COL7A1: variants seen among roughly 807,000 people sequenced by gnomAD.
COL7A1 encodes the protein collagen type VII alpha 1 chain, also known as collagen alpha-1(VII) chain.
A neutral mutation model predicts 456.2 loss-of-function variants in COL7A1; 296 were observed. The observed-to-expected ratio is 0.65, with a 90% CI of 0.59 to 0.71. COL7A1 has a LOEUF of 0.71. COL7A1 is among the 30% of genes least tolerant of loss of function. COL7A1 has a pLI of 0.00. For missense variants in COL7A1, 3,441 were observed against 4,017.2 expected, an observed-to-expected ratio of 0.86 and a Z score of 3.88; for synonymous variants, 1,464 against 1,525.9, an observed-to-expected ratio of 0.96 and a Z score of 0.95.
At position 48,576,290 on chromosome 3, in the gene COL7A1, G is replaced by T. The variant is rs2044292578; in HGVS notation, c.5779C>A (p.Pro1927Thr). The T allele has an allele frequency of 6.2e-6, 10 of 1,613,664 alleles. No homozygotes were observed. Among genetic ancestry groups the T allele is most frequent in the Non-Finnish European group, 8.5e-6 (10 of 1,179,994 alleles). Residue 1927 changes from proline to threonine, a missense_variant, in exon 71 of 119, where the codon CCT becomes ACT. By Grantham distance (38) the Pro-to-Thr change is conservative (BLOSUM62 -1). Coordinates refer to ENST00000681320, the MANE Select transcript of COL7A1 (RefSeq NM_000094.4). ...ETGSKGEQGL[P>T]GERGLRGEPG... is the part of the protein sequence containing the mutation. ...TCTCCTCGCAGGCCACGCTCTCCAG[G>T]GAGGCCCTGGAGAGATGAAGACAAA... is the stretch of plus-strand genomic sequence containing the variant.
At position 48,574,758 on chromosome 3, in the gene COL7A1, A is replaced by G. The variant is rs752751473; in HGVS notation, c.6349-37T>C. 6.2e-7 allele frequency: 1 copy of G among 1,613,986 alleles called. No homozygotes were observed. Among genetic ancestry groups the G allele is most frequent in the East Asian group, 2.2e-5 (1 of 44,888 alleles). On this transcript the variant is annotated intron_variant, in intron 77 of 118. Coordinates refer to ENST00000681320, the MANE Select transcript of COL7A1 (RefSeq NM_000094.4). This position sits in a 1 kb window ranked among gnomAD's most constrained non-coding sequence, Gnocchi z 5.0. ...AGATGTCAAGTCAGTCCCTAGTGCC[A>G]TGGCAGAGGGTGGCCCCGAGCTGAT...
At position 48,583,701 on chromosome 3, in the gene COL7A1, C is replaced by T; in HGVS notation, c.4341+17G>A. 4 of 1,614,068 alleles carry T rather than the reference C, an allele frequency of 2.5e-6. No individual in the cohort carries two copies. The highest frequency in any genetic ancestry group is 3.4e-6 in the Non-Finnish European group (4 of 1,179,998). On this transcript the variant is annotated intron_variant, in intron 40 of 118. Coordinates refer to ENST00000681320, the MANE Select transcript of COL7A1 (RefSeq NM_000094.4). This position sits in a 1 kb window ranked among gnomAD's most constrained non-coding sequence, Gnocchi z 5.1. ...TCCCACCCCAGAACTGGGACATCATCAAGTCAGCCTTCCTACTTTTTCTCC... is the reference window on the plus strand; with the variant it reads ...TCCCACCCCAGAACTGGGACATCATTAAGTCAGCCTTCCTACTTTTTCTCC...
At position 48,586,708 on chromosome 3, in the gene COL7A1, CAG is replaced by C; in HGVS notation, c.3277-21_3277-20del. 1 of 1,565,738 alleles carries C rather than the reference CAG, an allele frequency of 6.4e-7. No individual in the cohort carries two copies. Among genetic ancestry groups the C allele is most frequent in the Non-Finnish European group, 8.7e-7 (1 of 1,154,584 alleles). On this transcript the variant is annotated intron_variant, in intron 25 of 118. Coordinates refer to ENST00000681320, the MANE Select transcript of COL7A1 (RefSeq NM_000094.4). The surrounding 1 kb of genome is among the most constrained non-coding windows in gnomAD (Gnocchi z 5.1). ...GGCCAACCTGGGGTGGAAGGAAACA[CAG>C]AGCCTGAGGAGGATGACAGAGCAGG... is the stretch of plus-strand genomic sequence containing the variant.
At position 48,585,898 on chromosome 3, in the gene COL7A1, C is replaced by T. The variant is rs774880724; in HGVS notation, c.3759+42G>A. ...CAGATGTGGGTCAGAGTGGCTAGCCCCAGGTGCAGCCTCTGTTCACCTCTC... is the reference window on the plus strand; with the variant it reads ...CAGATGTGGGTCAGAGTGGCTAGCCTCAGGTGCAGCCTCTGTTCACCTCTC... On this transcript the variant is annotated intron_variant, in intron 29 of 118. Transcript: ENST00000681320. The surrounding 1 kb of genome is among the most constrained non-coding windows in gnomAD (Gnocchi z 4.5). 5 of 1,613,986 alleles carry T rather than the reference C, an allele frequency of 3.1e-6. No individual in the cohort carries two copies. In the African/African-American group the frequency reaches 5.3e-5, roughly 17 times the overall value.
rs753173025 is a variant in COL7A1, at chr3:48,591,737, G to A, written c.1443C>T (p.Arg481=). The change falls in exon 12 of 119, where the codon CGC becomes CGT. Residue 481 remains arginine, a synonymous_variant. Coordinates refer to ENST00000681320, the MANE Select transcript of COL7A1 (RefSeq NM_000094.4). The surrounding 1 kb of genome is among the most constrained non-coding windows in gnomAD (Gnocchi z 7.0). The part of the protein sequence containing the change: ...LDGLQPGTEY[R]LTLYTLLEGH... ...CCTCCAGCAGAGTGTAGAGTGTGAG[G>A]CGGTACTCAGTGCCCGGCTGCAGCC... is the stretch of plus-strand genomic sequence containing the variant. The A allele has an allele frequency of 6.2e-7, 1 of 1,614,166 alleles. No individual in the cohort carries two copies. The highest frequency in any genetic ancestry group is 2.2e-5 in the East Asian group (1 of 44,894).
chr3:48,574,918 G>A lies in COL7A1; in HGVS notation c.6280-53C>T. ...ATGTCTCTGTCATAGAGGCATGGGG[G>A]AGTCATCACAGATCTCAGGATCACA... On this transcript the variant is annotated intron_variant, in intron 76 of 118. Coordinates refer to ENST00000681320, the MANE Select transcript of COL7A1 (RefSeq NM_000094.4). This position sits in a 1 kb window ranked among gnomAD's most constrained non-coding sequence, Gnocchi z 5.0. 5 of 1,603,766 alleles carry A rather than the reference G, an allele frequency of 3.1e-6. No individual in the cohort carries two copies. The highest frequency in any genetic ancestry group is 4.3e-6 in the Non-Finnish European group (5 of 1,171,738).
At position 48,570,303 on chromosome 3, in the gene COL7A1, C is replaced by T. The variant is rs369221071; in HGVS notation, c.7412G>A (p.Arg2471Gln). 6.2e-6 allele frequency: 10 copies of T among 1,613,990 alleles called. No individual in the cohort carries two copies. The highest frequency in any genetic ancestry group is 1.6e-4 in the Middle Eastern group (1 of 6,084). ...GATGCCTGGCTCCCCACGCTCGCCT[C>T]GGGGCCCAGGCAGCCCTACTCCAGG... ...GDPGVGLPGP[R>Q]GERGEPGIRG... Residue 2471 changes from arginine to glutamine, a missense_variant, in exon 98 of 119, where the codon CGA becomes CAA. By Grantham distance (43) the Arg-to-Gln change is conservative. Transcript: ENST00000681320. This position sits in a 1 kb window ranked among gnomAD's most constrained non-coding sequence, Gnocchi z 5.5.
rs1440890050 is a variant in COL7A1 at position 48,567,505 on chromosome 3, T to G, written c.8046+69A>C. ...AGCCTTCCTTGTCCCTACACCCCCA[T>G]GACCCGACCATGAGCTTCCCTGCCC... On this transcript the variant is annotated intron_variant, in intron 109 of 118. Transcript: ENST00000681320. This position sits in a 1 kb window ranked among gnomAD's most constrained non-coding sequence, Gnocchi z 4.3. 1 of 1,602,872 alleles carries G rather than the reference T, an allele frequency of 6.2e-7. No homozygotes were observed. Among genetic ancestry groups the G allele is most frequent in the East Asian group, 2.2e-5 (1 of 44,822 alleles).
Position 48,582,147 on chromosome 3 carries a change from G to C in COL7A1, c.4635+176C>G, listed in dbSNP as rs569306379. 2.0e-5 allele frequency among the ~76,000 whole-genome samples: 3 copies of C among 152,290 alleles called. No individual in the cohort carries two copies. In the East Asian group the frequency reaches 5.8e-4, roughly 29 times the overall value. ...CTCATGACCTGCATGGCGGTCTTGG[G>C]GTCACAGGATCATAGCCAAGAGTCT... On this transcript the variant is annotated intron_variant, in intron 47 of 118. Coordinates refer to ENST00000681320, the MANE Select transcript of COL7A1 (RefSeq NM_000094.4).
chr3:48,565,932 C>A lies in COL7A1; in HGVS notation c.8408-264G>T, dbSNP rs1229291995. 6.6e-6 allele frequency among the ~76,000 whole-genome samples: 1 copy of A among 152,164 alleles called. No individual in the cohort carries two copies. Among genetic ancestry groups the A allele is most frequent in the Non-Finnish European group, 1.5e-5 (1 of 68,024 alleles). On this transcript the variant is annotated intron_variant, in intron 114 of 118. Coordinates refer to ENST00000681320, the MANE Select transcript of COL7A1 (RefSeq NM_000094.4). The surrounding 1 kb of genome is among the most constrained non-coding windows in gnomAD (Gnocchi z 4.5). ...CAGACACAGAAACAGGCAGGTGGTG[C>A]AGACAGAGACGGGAAGAGACAGCTT...
chr3:48,568,592 TC>T lies in COL7A1; in HGVS notation c.7759-59del. ...TGGGACTGTCCCCAACACTGGCCCA[TC>T]CGCTGCATGTGTGGCCACTCAGATG... On this transcript the variant is annotated intron_variant, in intron 104 of 118. Coordinates refer to ENST00000681320, the MANE Select transcript of COL7A1 (RefSeq NM_000094.4). This position sits in a 1 kb window ranked among gnomAD's most constrained non-coding sequence, Gnocchi z 5.2. 5 of 1,567,094 alleles carry T rather than the reference TC, an allele frequency of 3.2e-6. No individual in the cohort carries two copies. In the Middle Eastern group the frequency reaches 5.1e-4, roughly 158 times the overall value.
rs765529435 is a variant in COL7A1 at position 48,570,145 on chromosome 3, G to T, written c.7474C>A (p.Arg2492=). 6.2e-6 allele frequency: 10 copies of T among 1,614,052 alleles called. No individual in the cohort carries two copies. The highest frequency in any genetic ancestry group is 1.6e-4 in the Middle Eastern group (1 of 6,084). ...EDGRPGQEGP[R]GLTGPPGSRG... The stretch of plus-strand genomic sequence containing the variant: ...CCAGCGGGACCCACCGTGAGTCCTC[G>T]GGGTCCCTCCTGGCCGGGGCGGCCA... Residue 2492 remains arginine (R), a synonymous_variant, in exon 99 of 119, where the codon CGA becomes AGA. Transcript: ENST00000681320. The surrounding 1 kb of genome is among the most constrained non-coding windows in gnomAD (Gnocchi z 5.5).
rs750612292 is a variant in COL7A1 at position 48,587,795 on chromosome 3, G to A, written c.2855C>T (p.Thr952Ile). 1 of 1,613,408 alleles carries A rather than the reference G, an allele frequency of 6.2e-7. No homozygotes were observed. Among genetic ancestry groups the A allele is most frequent in the South Asian group, 1.1e-5 (1 of 91,090 alleles). ...EGPSAEVTAR[T>I]ESPRVPSIEL... is the part of the protein sequence containing the mutation. The stretch of plus-strand genomic sequence containing the variant: ...ACGCCAAGGTGAGGCAGGCTTACCA[G>A]TGCGCGCAGTCACCTCTGCAGAGGG... The change falls in exon 22 of 119, where the codon ACT becomes ATT. Residue 952 changes from threonine to isoleucine, a missense_variant and splice_region_variant. By Grantham distance (89) the Thr-to-Ile change is moderately conservative (BLOSUM62 -1). Coordinates refer to ENST00000681320, the MANE Select transcript of COL7A1 (RefSeq NM_000094.4). The surrounding 1 kb of genome is among the most constrained non-coding windows in gnomAD (Gnocchi z 6.1).
chr3:48,584,283 T>C lies in COL7A1; in HGVS notation c.4197+15A>G, dbSNP rs373470935. The C allele has an allele frequency of 1.3e-6, 2 of 1,599,166 alleles. No homozygotes were observed. The highest frequency in any genetic ancestry group is 4.6e-5 in the East Asian group (2 of 43,888). On this transcript the variant is annotated intron_variant, in intron 37 of 118. Transcript: ENST00000681320. ...ACCAGGTCTCTGCATCACATGGCAC[T>C]CATGAGGCTGTCACCTTCATGGCTG...
In COL7A1 at chr3:48,587,968, G is replaced by A. The variant is rs1431239265; in HGVS notation, c.2711-29C>T. The A allele has an allele frequency of 6.4e-7, 1 of 1,561,894 alleles. No homozygotes were observed. Among genetic ancestry groups the A allele is most frequent in the Non-Finnish European group, 8.7e-7 (1 of 1,152,984 alleles). ...GGGCAGGCGTGAGGGTGGGGGCCAA[G>A]AGCATGTGGGATAGTGACACCTGGG... On this transcript the variant is annotated intron_variant, in intron 21 of 118. Transcript: ENST00000681320. This position sits in a 1 kb window ranked among gnomAD's most constrained non-coding sequence, Gnocchi z 6.1.
At position 48,581,262 on chromosome 3, in the gene COL7A1, C is replaced by T; in HGVS notation, c.4897G>A (p.Asp1633Asn). The T allele has an allele frequency of 6.2e-7, 1 of 1,613,438 alleles. No individual in the cohort carries two copies. The highest frequency in any genetic ancestry group is 8.5e-7 in the Non-Finnish European group (1 of 1,179,812). The change falls in exon 52 of 119, where the codon GAT becomes AAT. Residue 1633 changes from aspartate (D) to asparagine (N), a missense_variant and splice_region_variant. Asp to Asn is a conservative substitution (Grantham distance 23). Coordinates refer to ENST00000681320, the MANE Select transcript of COL7A1 (RefSeq NM_000094.4). The surrounding 1 kb of genome is among the most constrained non-coding windows in gnomAD (Gnocchi z 5.8). ...PPGPVGPRGR[D>N]GEVGEKGDEG... is the part of the protein sequence containing the mutation. Reference sequence around the variant, plus strand: ...CTCCCCCGACTCCAGCCTCTTACATCTCGTCCTCGGGGGCCAACAGGTCCT... The same window carrying T: ...CTCCCCCGACTCCAGCCTCTTACATTTCGTCCTCGGGGGCCAACAGGTCCT...
chr3:48,571,690 C>A lies in COL7A1; in HGVS notation c.7068+311G>T, dbSNP rs2043930868. On this transcript the variant is annotated intron_variant, in intron 92 of 118. Coordinates refer to ENST00000681320, the MANE Select transcript of COL7A1 (RefSeq NM_000094.4). The surrounding 1 kb of genome is among the most constrained non-coding windows in gnomAD (Gnocchi z 4.6). ...GAAAGGAGGATTGTAAACACAGGAC[C>A]AAGGAGAGGTTCACAAGAACTCAGG... 1.5e-6 allele frequency: 1 copy of A among 646,816 alleles called. No individual in the cohort carries two copies. The highest frequency in any genetic ancestry group is 2.1e-5 in the Admixed American group (1 of 46,856). The allele number at this position is 646,816 out of a possible 1,614,324, so 40.1% of individuals were successfully genotyped here. A position where few individuals can be genotyped will look rare whatever the true frequency, so the allele number is the denominator to read the frequency against.
rs983469614 is a variant in COL7A1 at position 48,595,318 on chromosome 3, CAGAGA to C, written c.-57_-53del. ...CGCCGCTGCAGTCTCTCGGGCAGAG[CAGAGA>C]AAAGTCCCTGATCTCGGGGGGCGGA... On this transcript the variant is annotated 5_prime_UTR_variant, in exon 1 of 119. Coordinates refer to ENST00000681320, the MANE Select transcript of COL7A1 (RefSeq NM_000094.4). 236 of 654,294 alleles carry C rather than the reference CAGAGA, an allele frequency of 3.6e-4. 1 individual carries two copies. Among genetic ancestry groups the C allele is most frequent in the Non-Finnish European group, 5.1e-4 (188 of 366,470 alleles). 40.5% of individuals were successfully genotyped at this position (654,294 alleles called of 1,614,324 possible). A position where few individuals can be genotyped will look rare whatever the true frequency, so the allele number is the denominator to read the frequency against.
At position 48,594,300 on chromosome 3, in the gene COL7A1, C is replaced by T; in HGVS notation, c.266+68G>A. 3.2e-6 allele frequency: 5 copies of T among 1,578,420 alleles called. No homozygotes were observed. In the South Asian group the frequency reaches 5.5e-5, roughly 18 times the overall value. ...ACCTGGCCTGGGGTTTCCAGGGTCT[C>T]CTCCCTCTCTGGGGAAGGAGTCTTG... On this transcript the variant is annotated intron_variant, in intron 3 of 118. Coordinates refer to ENST00000681320, the MANE Select transcript of COL7A1 (RefSeq NM_000094.4). The surrounding 1 kb of genome is among the most constrained non-coding windows in gnomAD (Gnocchi z 5.5).
Sources: allele counts gnomAD v4.1 joint callset (sites outside exome capture counted in the v4.1 genomes callset), GRCh38; gene constraint gnomAD v4.1.1; non-coding constraint Gnocchi (gnomAD v3.1); transcripts MANE v1.5; gene names NCBI Gene and HGNC (gene_info 2026-07-23, HGNC 2026-07-21).